SORCS1: variants seen among roughly 807,000 people sequenced by gnomAD.
SORCS1 encodes VPS10 domain-containing receptor SorCS1.
Under a neutral mutation model 146.1 loss-of-function variants are expected in SORCS1, and 60 were observed. The observed-to-expected ratio is 0.41, with a 90% CI of 0.33 to 0.51. The LOEUF (loss-of-function observed/expected upper bound fraction) is 0.51. SORCS1 is among the 20% of genes least tolerant of loss of function. SORCS1 has a pLI of 0.21. For synonymous variants in SORCS1, 637 were observed against 584.0 expected (o/e 1.09, Z -1.31); for missense variants, 1,352 against 1,487.6 (o/e 0.91, Z 1.50).
intron 3 of SORCS1, among the ~76,000 whole-genome samples, chr10:106,814,305 T>C (rs1043545628): frequency 6.6e-6 from 1 of 152,246 alleles, no homozygotes; most frequent in Non-Finnish European, 1.5e-5. Flanking sequence ...ATATAATTCG[T>C]ATTTAAAACG....
intron 4 of SORCS1, among the ~76,000 whole-genome samples, chr10:106,768,216 A>C (rs562399220): frequency 1.9e-4 from 29 of 152,184 alleles, no homozygotes; most frequent in Non-Finnish European, 3.5e-4. Flanking sequence ...GGATACTTAA[A>C]TTACTCACAT....
intron 2 of SORCS1, among the ~76,000 whole-genome samples, chr10:106,849,697 T>G (rs1251266544): frequency 6.6e-6 from 1 of 151,328 alleles, no homozygotes; most frequent in Non-Finnish European, 1.5e-5. Context: ...CTGTTCTGTT[T>G]TTTCCCCATC....
chr10:106,647,717 C>T (rs997713086), intron 18 of SORCS1, among the ~76,000 whole-genome samples: 12 of 151,938 alleles, frequency 7.9e-5, no homozygotes, highest in Admixed American at 2.0e-4. Flanking sequence ...TAATGTGAAA[C>T]CTAAAGAGAA....
At chr10:106,717,026 A>G (rs1321827756) in intron 6 of SORCS1, among the ~76,000 whole-genome samples, 1 of 152,186 alleles carries the variant, frequency 6.6e-6, no homozygotes, top group Non-Finnish European at 1.5e-5. Context: ...TTTATTTAGC[A>G]CCAAATACTT....
intron 16 of SORCS1, among the ~76,000 whole-genome samples, chr10:106,668,795 T>C (rs1000516201): frequency 6.6e-6 from 1 of 152,100 alleles, no homozygotes; most frequent in Non-Finnish European, 1.5e-5. Flanking sequence ...GGACAACCAG[T>C]GTTTGCTTCA....
At chr10:106,934,110 A>G (rs1367438239) in intron 2 of SORCS1, among the ~76,000 whole-genome samples, 1 of 151,626 alleles carries the variant, frequency 6.6e-6, no homozygotes, top group Non-Finnish European at 1.5e-5. Context: ...CAAAAAAAAA[A>G]AAAAAAAAGA....
At chr10:106,767,753 A>C (rs1009467506) in intron 4 of SORCS1, among the ~76,000 whole-genome samples, 2 of 151,608 alleles carry the variant, frequency 1.3e-5, no homozygotes, top group East Asian at 1.9e-4. Context: ...GGCCTCCTAA[A>C]GTGCTGAGAT....
rs201674495 is a variant in SORCS1, at chr10:106,677,322, C to T, written c.1823G>A (p.Arg608Gln). ...VAMKHTSLPI[R>Q]HLWLSFDEGR... The stretch of plus-strand genomic sequence containing the variant: ...CAGCATGTGCCCTTACCAAAGATGT[C>T]GAATTGGGAGAGATGTGTGTTTCAT... The change falls in exon 13 of 26, where the codon CGA (arginine) becomes CAA (glutamine). Residue 608 changes from arginine to glutamine, a missense_variant. By Grantham distance (43) the Arg-to-Gln change is conservative. Transcript: ENST00000263054. 105 of 1,613,702 alleles carry T rather than the reference C, an allele frequency of 6.5e-5. 1 individual carries two copies. The highest frequency in any genetic ancestry group is 4.3e-4 in the Admixed American group (26 of 59,974).
chr10:106,589,203 A>G (rs1240979398), intron 24 of SORCS1, among the ~76,000 whole-genome samples: 1 of 152,198 alleles, frequency 6.6e-6, no homozygotes, highest in Non-Finnish European at 1.5e-5. Context: ...CATAATCCCT[A>G]AAGGGTTGTT....
intron 3 of SORCS1, among the ~76,000 whole-genome samples, chr10:106,784,493 T>G (rs1214752648): frequency 6.6e-6 from 1 of 152,158 alleles, no homozygotes; most frequent in Non-Finnish European, 1.5e-5. Context: ...GAGAACTAAT[T>G]AAATACCTTG....
intron 5 of SORCS1, among the ~76,000 whole-genome samples, chr10:106,759,389 G>A (rs969078776): frequency 6.6e-6 from 1 of 152,114 alleles, no homozygotes; most frequent in Non-Finnish European, 1.5e-5. Context: ...CTTGTAACAC[G>A]GTTTATAGTA....
intron 3 of SORCS1, among the ~76,000 whole-genome samples, chr10:106,780,041 T>C (rs1860771340): frequency 6.6e-6 from 1 of 152,128 alleles, no homozygotes; most frequent in Non-Finnish European, 1.5e-5. Context: ...TTATCAGTAA[T>C]AAAATATAAA....
intron 21 of SORCS1, among the ~76,000 whole-genome samples, chr10:106,612,881 T>C (rs1283463893): frequency 6.6e-6 from 1 of 152,084 alleles, no homozygotes; most frequent in Non-Finnish European, 1.5e-5. Context: ...CTGGGCCTCT[T>C]TGCACACACC....
chr10:106,761,158 G>A (rs1377443173), intron 5 of SORCS1, among the ~76,000 whole-genome samples: 1 of 151,922 alleles, frequency 6.6e-6, no homozygotes, highest in Non-Finnish European at 1.5e-5. Flanking sequence ...CTAAAATCAG[G>A]AATGAGAGGA....
intron 1 of SORCS1, among the ~76,000 whole-genome samples, chr10:107,114,837 A>G (rs1418208749): frequency 6.6e-6 from 1 of 152,132 alleles, no homozygotes; most frequent in African/African-American, 2.4e-5. Context: ...GTGTCATAAT[A>G]TTATATACAG....
At chr10:106,633,431 G>T (rs905179799) in intron 18 of SORCS1, among the ~76,000 whole-genome samples, 2 of 152,088 alleles carry the variant, frequency 1.3e-5, no homozygotes, top group Non-Finnish European at 2.9e-5. Context: ...CTGTCTAACT[G>T]TGATTTTGGA....
intron 6 of SORCS1, among the ~76,000 whole-genome samples, chr10:106,726,531 A>C (rs1212120482): frequency 1.3e-5 from 2 of 152,024 alleles, no homozygotes; most frequent in Non-Finnish European, 2.9e-5. Context: ...GATCACAGAG[A>C]GTGATGGCCT....
chr10:106,862,601 T>C (rs902978505), intron 2 of SORCS1, among the ~76,000 whole-genome samples: 3 of 152,054 alleles, frequency 2.0e-5, no homozygotes, highest in South Asian at 2.1e-4. Context: ...CCTTATTAAC[T>C]GTTTCACACT....
chr10:106,893,173 G>C (rs1462849227), intron 2 of SORCS1, among the ~76,000 whole-genome samples: 1 of 152,070 alleles, frequency 6.6e-6, no homozygotes, highest in African/African-American at 2.4e-5. Context: ...AAAGTGCTGG[G>C]AATACAGGCG....
Sources: allele counts gnomAD v4.1 joint callset (sites outside exome capture counted in the v4.1 genomes callset), GRCh38; gene constraint gnomAD v4.1.1; transcripts MANE v1.5; gene names NCBI Gene and HGNC (gene_info 2026-07-23, HGNC 2026-07-21).